GHR: variants seen among roughly 807,000 people sequenced by gnomAD.
GHR encodes GH receptor.
Under a neutral mutation model 67.1 loss-of-function variants are expected in GHR, and 35 were observed. The observed-to-expected ratio is 0.52, with a 90% confidence interval of 0.40 to 0.69. The LOEUF (loss-of-function observed/expected upper bound fraction) is 0.69, where lower values mean the gene tolerates loss of function less well. Ranked by LOEUF, GHR falls within the 30% of genes least tolerant of loss-of-function variation. The pLI is 0.00. For synonymous variants in GHR, 272 were observed against 269.1 expected (o/e 1.01, Z -0.10); for missense variants, 792 against 764.6 (o/e 1.04, Z -0.42).
chr5:42,662,186 G>A (rs1267902674), intron 3 of GHR, among the ~76,000 whole-genome samples: 1 of 152,130 alleles, frequency 6.6e-6, no homozygotes, highest in African/African-American at 2.4e-5. Context: ...GTCAACATTA[G>A]ACAGATCAAC....
At chr5:42,696,960 G>A (rs867154429) in intron 5 of GHR, among the ~76,000 whole-genome samples, 17 of 152,286 alleles carry the variant, frequency 1.1e-4, no homozygotes, top group Non-Finnish European at 2.1e-4. Flanking sequence ...CTTTATTAAT[G>A]CTCAGAGAAA....
At chr5:42,610,286 C>T (rs1752829961) in intron 2 of GHR, among the ~76,000 whole-genome samples, 1 of 152,118 alleles carries the variant, frequency 6.6e-6, no homozygotes, top group South Asian at 2.1e-4. Context: ...CTGATGTGAA[C>T]CCCTCTAAGT....
chr5:42,638,369 A>T (rs1754306265), intron 3 of GHR, among the ~76,000 whole-genome samples: 1 of 152,204 alleles, frequency 6.6e-6, no homozygotes, highest in Non-Finnish European at 1.5e-5. Flanking sequence ...TTCTGAAATA[A>T]ATTACAGTCA....
intron 5 of GHR, among the ~76,000 whole-genome samples, chr5:42,695,535 A>G (rs1757636600): frequency 6.6e-6 from 1 of 152,214 alleles, no homozygotes; most frequent in South Asian, 2.1e-4. Flanking sequence ...ATCACAAAGC[A>G]TAATCATTCT....
intron 2 of GHR, among the ~76,000 whole-genome samples, chr5:42,595,490 A>G (rs939226422): frequency 3.3e-5 from 5 of 152,192 alleles, no homozygotes; most frequent in Non-Finnish European, 1.5e-5. Flanking sequence ...CATTATTTCT[A>G]TAAGATTTTC....
At position 42,424,479 on chromosome 5, in the gene GHR, G is replaced by T. The variant is rs1236310106; in HGVS notation, c.-12+524G>T. On this transcript the variant is annotated intron_variant, in intron 1 of 9. Transcript: ENST00000230882. The surrounding 1 kb of genome is among the most constrained non-coding windows in gnomAD (Gnocchi z 4.1). ...AGAGACTGGGGAGGTCGAGCTGTGC[G>T]CGTGGACACAGCGCGCAGAGCGCGC... The T allele has an allele frequency of 2.3e-6, 2 of 882,456 alleles. No homozygotes were observed. The highest frequency in any genetic ancestry group is 3.3e-5 in the African/African-American group (2 of 60,652). 54.7% of individuals were successfully genotyped at this position (882,456 alleles called of 1,614,324 possible).
At chr5:42,560,834 G>A (rs191692276) in intron 1 of GHR, among the ~76,000 whole-genome samples, 2 of 152,252 alleles carry the variant, frequency 1.3e-5, no homozygotes, top group East Asian at 3.9e-4. Flanking sequence ...TGATAGACAT[G>A]TCTCTATCAT....
At chr5:42,580,110 T>C (rs767533444) in intron 2 of GHR, among the ~76,000 whole-genome samples, 6 of 152,212 alleles carry the variant, frequency 3.9e-5, no homozygotes, top group Non-Finnish European at 8.8e-5. Flanking sequence ...ATCCATACTA[T>C]GATTCAGTGA....
chr5:42,646,985 T>G (rs1341956410), intron 3 of GHR, among the ~76,000 whole-genome samples: 1 of 152,186 alleles, frequency 6.6e-6, no homozygotes, highest in Non-Finnish European at 1.5e-5. Context: ...ACAATGACTC[T>G]TCCATTACCA....
chr5:42,659,573 A>G (rs1337689479), intron 3 of GHR, among the ~76,000 whole-genome samples: 1 of 152,112 alleles, frequency 6.6e-6, no homozygotes, highest in Non-Finnish European at 1.5e-5. Context: ...CACGGCCAAA[A>G]GGACATACCT....
intron 6 of GHR, among the ~76,000 whole-genome samples, chr5:42,700,342 A>G (rs1757875002): frequency 2.0e-5 from 3 of 152,214 alleles, no homozygotes; most frequent in Non-Finnish European, 2.9e-5. Context: ...GATCCAGTCA[A>G]CAGTGACTAT....
chr5:42,689,252 T>C (rs1740310918), intron 4 of GHR, among the ~76,000 whole-genome samples: 1 of 152,208 alleles, frequency 6.6e-6, no homozygotes, highest in Non-Finnish European at 1.5e-5. Flanking sequence ...CCTGGTCTCA[T>C]GGAGATTTCC....
chr5:42,636,989 A>G (rs1754227263), intron 3 of GHR, among the ~76,000 whole-genome samples: 1 of 152,222 alleles, frequency 6.6e-6, no homozygotes, highest in South Asian at 2.1e-4. Flanking sequence ...ATTTATAGGA[A>G]ATTTATTTGC....
intron 2 of GHR, among the ~76,000 whole-genome samples, chr5:42,584,282 G>T (rs1751355915): frequency 2.0e-5 from 3 of 152,064 alleles, no homozygotes; most frequent in Admixed American, 6.5e-5. Context: ...TTTTTTAAAT[G>T]AATGTTTAAT....
At chr5:42,490,545 C>T (rs373943223) in intron 1 of GHR, among the ~76,000 whole-genome samples, 39 of 152,188 alleles carry the variant, frequency 2.6e-4, no homozygotes, top group African/African-American at 8.2e-4. Flanking sequence ...AAGTGAACAG[C>T]GTCTCAGCTT....
At chr5:42,435,535 T>C (rs1743285997) in intron 1 of GHR, among the ~76,000 whole-genome samples, 1 of 152,230 alleles carries the variant, frequency 6.6e-6, no homozygotes, top group Admixed American at 6.5e-5. Context: ...TATCTGGGAC[T>C]AATTTCAGGT....
intron 2 of GHR, among the ~76,000 whole-genome samples, chr5:42,623,939 A>C (rs1235024428): frequency 6.6e-6 from 1 of 152,164 alleles, no homozygotes; most frequent in African/African-American, 2.4e-5. Flanking sequence ...ACCTCTAGAC[A>C]TTAGGTACAT....
chr5:42,532,174 C>T (rs867305214), intron 1 of GHR, among the ~76,000 whole-genome samples: 36 of 152,154 alleles, frequency 2.4e-4, no homozygotes, highest in South Asian at 8.3e-4. Context: ...TCTTCCTGAT[C>T]ATATAACAAT....
At chr5:42,464,497 G>T (rs1744642171) in intron 1 of GHR, among the ~76,000 whole-genome samples, 1 of 152,144 alleles carries the variant, frequency 6.6e-6, no homozygotes, top group Non-Finnish European at 1.5e-5. Flanking sequence ...AAAGAAGGAA[G>T]CTCAGAAAGA....
Sources: allele counts gnomAD v4.1 joint callset (sites outside exome capture counted in the v4.1 genomes callset), GRCh38; gene constraint gnomAD v4.1.1; non-coding constraint Gnocchi (gnomAD v3.1); transcripts MANE v1.5; gene names NCBI Gene and HGNC (gene_info 2026-07-23, HGNC 2026-07-21).